The following SNX30 variants were observed in gnomAD, a reference collection of about 807,000 sequenced individuals.
SNX30 encodes the protein sorting nexin family member 30.
Under a neutral mutation model 46.4 loss-of-function variants are expected in SNX30, and 24 were observed. That is an observed-to-expected ratio of 0.52 (90% confidence interval 0.37 to 0.73). The LOEUF (loss-of-function observed/expected upper bound fraction) is 0.73. Among genes scored for constraint, SNX30 ranks in the 30% least tolerant of loss-of-function variants. The probability of loss-of-function intolerance (pLI) is 0.00; values close to 1 mark genes in which losing one functional copy is unlikely to be tolerated. For synonymous variants in SNX30, 189 were observed against 211.5 expected, an observed-to-expected ratio of 0.89 and a Z score of 0.92; for missense variants, 533 against 555.7, an observed-to-expected ratio of 0.96 and a Z score of 0.41.
chr9:112,865,613 T>A (rs1841312131), intron 8 of SNX30, among the ~76,000 whole-genome samples: 1 of 119,342 alleles, frequency 8.4e-6, no homozygotes, highest in African/African-American at 3.3e-5. Flanking sequence ...AGTTTTTTGA[T>A]CCTGTCACGC....
chr9:112,820,939 G>A (rs1381960891), intron 3 of SNX30, among the ~76,000 whole-genome samples: 2 of 152,098 alleles, frequency 1.3e-5, no homozygotes, highest in South Asian at 2.1e-4. Context: ...CTTGATGGAC[G>A]TTTTGGTTGT....
At chr9:112,757,575 A>G (rs1291917398) in intron 1 of SNX30, among the ~76,000 whole-genome samples, 1 of 152,220 alleles carries the variant, frequency 6.6e-6, no homozygotes, top group Non-Finnish European at 1.5e-5. Flanking sequence ...AGAAACCTCC[A>G]TACTGTTTTC....
rs915439997 is a variant in SNX30 at position 112,838,637 on chromosome 9, C to T, written c.954C>T (p.Asp318=). The T allele has an allele frequency of 9.3e-6, 15 of 1,614,084 alleles. No individual in the cohort carries two copies. The highest frequency in any genetic ancestry group is 5.3e-5 in the African/African-American group (4 of 74,924). Residue 318 remains aspartate (D), a synonymous_variant, in exon 6 of 9, where the codon GAC becomes GAT. Coordinates refer to ENST00000374232, the MANE Select transcript of SNX30 (RefSeq NM_001012994.2). ...CAGCCTTAGAAGAGCTGACAGATGA[C>T]ATGACAGAAGACTTCCTACCTGTGC... ...CSTALEELTD[D]MTEDFLPVLR... is the part of the protein sequence containing the mutation.
chr9:112,850,920 C>G lies in SNX30; in HGVS notation c.1076C>G (p.Ala359Gly). The G allele has an allele frequency of 6.2e-7, 1 of 1,614,022 alleles. No individual in the cohort carries two copies. Among genetic ancestry groups the G allele is most frequent in the South Asian group, 1.1e-5 (1 of 91,064 alleles). ...TATGAAGCCAAACTGGAAGCTGTGG[C>G]TCTGCGGAAGGAAGACCGCCCCAAG... is the stretch of plus-strand genomic sequence containing the variant. ...AEYEAKLEAV[A>G]LRKEDRPKVP... The change falls in exon 7 of 9, where the codon GCT becomes GGT. Residue 359 changes from alanine (A) to glycine (G), a missense_variant. Physicochemically the swap from Ala to Gly is moderately conservative, Grantham distance 60. This residue lies in a region of SNX30 where 261 missense variants were observed against 270.9 expected (regional missense o/e 0.96). Coordinates refer to ENST00000374232, the MANE Select transcript of SNX30 (RefSeq NM_001012994.2).
At chr9:112,851,417 G>A (rs929719902) in intron 7 of SNX30, among the ~76,000 whole-genome samples, 1 of 152,236 alleles carries the variant, frequency 6.6e-6, no homozygotes, top group South Asian at 2.1e-4. Context: ...CTCGCGTGAG[G>A]AGTTGCATGT....
At chr9:112,751,636 G>T (rs1052422686) in intron 1 of SNX30, among the ~76,000 whole-genome samples, 1 of 152,208 alleles carries the variant, frequency 6.6e-6, no homozygotes, top group Non-Finnish European at 1.5e-5. Flanking sequence ...AGTCAGTCAT[G>T]TGGGGAGTGA....
intron 2 of SNX30, among the ~76,000 whole-genome samples, chr9:112,815,993 C>T (rs1021865770): frequency 6.6e-6 from 1 of 152,206 alleles, no homozygotes; most frequent in African/African-American, 2.4e-5. Flanking sequence ...CAAGTATGCA[C>T]TACCACACCT....
chr9:112,807,052 C>CTTTTT (rs10554051), intron 2 of SNX30, among the ~76,000 whole-genome samples: 4 of 63,006 alleles, frequency 6.3e-5, no homozygotes, highest in Admixed American at 2.6e-4. Context: ...TCTTTTCTAT[C>CTTTTT]TTTTTTTTTT....
At chr9:112,827,452 TAAAA>T (rs1407207348) in intron 3 of SNX30, among the ~76,000 whole-genome samples, 1 of 152,214 alleles carries the variant, frequency 6.6e-6, no homozygotes, top group African/African-American at 2.4e-5. Flanking sequence ...TCTTGATAAC[TAAAA>T]CATACTTTCT....
At chr9:112,838,261 G>A (rs1840795732) in intron 5 of SNX30, among the ~76,000 whole-genome samples, 1 of 152,178 alleles carries the variant, frequency 6.6e-6, no homozygotes, top group Admixed American at 6.5e-5. Context: ...CCATTATCCA[G>A]AGGGATGGCA....
chr9:112,873,772 T>C lies in SNX30; in HGVS notation c.*4929T>C, dbSNP rs1841481990. 1 of 152,246 alleles carries C rather than the reference T, an allele frequency of 6.6e-6. No individual in the cohort carries two copies. The highest frequency in any genetic ancestry group is 2.1e-4 in the South Asian group (1 of 4,830). 9.4% of individuals were successfully genotyped at this position (152,246 alleles called of 1,614,324 possible). ...TGACAACAGTATTAAATGTTACTCCTGATTCTGCAGAACAGCTTTTGAAGA... is the reference window on the plus strand; with the variant it reads ...TGACAACAGTATTAAATGTTACTCCCGATTCTGCAGAACAGCTTTTGAAGA... On this transcript the variant is annotated 3_prime_UTR_variant, in exon 9 of 9. Coordinates refer to ENST00000374232, the MANE Select transcript of SNX30 (RefSeq NM_001012994.2).
chr9:112,774,001 A>T (rs1839696944), intron 1 of SNX30, among the ~76,000 whole-genome samples: 1 of 152,220 alleles, frequency 6.6e-6, no homozygotes, highest in African/African-American at 2.4e-5. Flanking sequence ...CTTCAGAAGA[A>T]AGGTTTATTT....
intron 1 of SNX30, among the ~76,000 whole-genome samples, chr9:112,769,348 G>T (rs766588704): frequency 6.6e-6 from 1 of 152,182 alleles, no homozygotes; most frequent in Non-Finnish European, 1.5e-5. Context: ...GGGCTGTGGG[G>T]CTGGCACTTG....
chr9:112,826,399 A>C (rs11999284), intron 3 of SNX30, among the ~76,000 whole-genome samples: 2,950 of 152,310 alleles, frequency 0.019, 114 homozygotes, highest in African/African-American at 0.067. Context: ...AAAAGATTGA[A>C]TGAGCCAGGA....
In SNX30 at chr9:112,780,487, G is replaced by T. The variant is rs562181632; in HGVS notation, c.157-24289G>T. 3.3e-5 allele frequency among the ~76,000 whole-genome samples: 5 copies of T among 152,320 alleles called. No homozygotes were observed. The East Asian group carries it at 7.7e-4, about 23-fold the overall frequency. On this transcript the variant is annotated intron_variant, in intron 1 of 8. Transcript: ENST00000374232. ...AGAGTCCTCAAAATTCTTGATGTGG[G>T]TTTGCTGATGGCAGCTGGAAGGGGA...
chr9:112,810,407 G>C (rs892695513), intron 2 of SNX30, among the ~76,000 whole-genome samples: 2 of 152,140 alleles, frequency 1.3e-5, no homozygotes, highest in African/African-American at 4.8e-5. Context: ...TGGGCAGTGG[G>C]GAGGGAACAA....
At chr9:112,793,776 C>CTTGTTT (rs1473471776) in intron 1 of SNX30, among the ~76,000 whole-genome samples, 4 of 145,524 alleles carry the variant, frequency 2.7e-5, no homozygotes, top group African/African-American at 7.4e-5. Context: ...CACTGTTTTT[C>CTTGTTT]TTGTTCTTTT....
chr9:112,839,447 A>G (rs1840820286), intron 6 of SNX30, among the ~76,000 whole-genome samples: 1 of 152,216 alleles, frequency 6.6e-6, no homozygotes, highest in Non-Finnish European at 1.5e-5. Flanking sequence ...GCTTTGGTCT[A>G]GCAGCGGTGA....
rs1322959152 is a variant in SNX30 at position 112,864,369 on chromosome 9, G to C, written c.1224G>C (p.Met408Ile). The C allele has an allele frequency of 6.2e-7, 1 of 1,614,082 alleles. No homozygotes were observed. Among genetic ancestry groups the C allele is most frequent in the African/African-American group, 1.3e-5 (1 of 74,930 alleles). Residue 408 changes from methionine to isoleucine, a missense_variant, in exon 8 of 9, where the codon ATG (methionine) becomes ATC (isoleucine). Around this residue, in one of 3 missense-constraint regions of SNX30, gnomAD observed 261 missense variants for 270.9 expected, o/e 0.96. Transcript: ENST00000374232. The part of the protein sequence containing the change: ...RQDFRQLLMG[M>I]ADKNIQYYEK... ...ACTTCCGGCAGCTACTCATGGGGAT[G>C]GCTGACAAGAACATCCAGTATTATG... is the stretch of plus-strand genomic sequence containing the variant.
Sources: allele counts gnomAD v4.1 joint callset (sites outside exome capture counted in the v4.1 genomes callset), GRCh38; gene constraint gnomAD v4.1.1; regional missense constraint gnomAD v4.1.1; transcripts MANE v1.5; gene names NCBI Gene and HGNC (gene_info 2026-07-23, HGNC 2026-07-21).